The following ELF1 variants were observed in gnomAD, a reference collection of about 807,000 sequenced individuals.
ELF1 encodes the protein ETS-related transcription factor Elf-1.
A neutral mutation model predicts 59.9 loss-of-function variants in ELF1; 24 were observed. The observed-to-expected ratio is 0.40, with a 90% confidence interval of 0.29 to 0.56. The LOEUF is 0.56. ELF1 is among the 20% of genes least tolerant of loss of function. ELF1 has a pLI of 0.44. For missense variants in ELF1, 627 were observed against 742.2 expected (o/e 0.84, Z 1.80); for synonymous variants, 248 against 266.2 (o/e 0.93, Z 0.67).
chr13:41,009,333 G>A (rs1424412537), intron 1 of ELF1, among the ~76,000 whole-genome samples: 2 of 150,120 alleles, frequency 1.3e-5, no homozygotes, highest in African/African-American at 2.5e-5. Flanking sequence ...CACAACGAAC[G>A]ATTCAAATAT....
At chr13:40,962,226 A>C (rs1291412541) in intron 2 of ELF1, among the ~76,000 whole-genome samples, 2 of 152,188 alleles carry the variant, frequency 1.3e-5, no homozygotes. Flanking sequence ...GCATACTCCA[A>C]ATTGCTTTAA....
At chr13:40,946,543 T>C (rs1049547271) in intron 5 of ELF1, among the ~76,000 whole-genome samples, 5 of 152,186 alleles carry the variant, frequency 3.3e-5, no homozygotes, top group African/African-American at 1.2e-4. Context: ...GGCCCACTTA[T>C]ATAGGGATCT....
intron 8 of ELF1, among the ~76,000 whole-genome samples, chr13:40,939,167 A>C (rs528809000): frequency 2.0e-5 from 3 of 152,106 alleles, no homozygotes; most frequent in Non-Finnish European, 4.4e-5. Flanking sequence ...TCTACAAAAA[A>C]TTAAAAAATT....
chr13:41,052,257 A>T (rs989824552), intron 1 of ELF1, among the ~76,000 whole-genome samples: 1 of 152,148 alleles, frequency 6.6e-6, no homozygotes, highest in Admixed American at 6.6e-5. Context: ...CTTTTCAAAG[A>T]ACAAAATGTT....
chr13:40,998,281 C>T (rs1280413666), intron 1 of ELF1, among the ~76,000 whole-genome samples: 1 of 152,140 alleles, frequency 6.6e-6, no homozygotes. Flanking sequence ...AGCAGATATA[C>T]AACAGTAGTC....
intron 1 of ELF1, among the ~76,000 whole-genome samples, chr13:41,036,287 T>C (rs971442052): frequency 1.3e-5 from 2 of 152,218 alleles, no homozygotes; most frequent in African/African-American, 2.4e-5. Context: ...AATAAGATTT[T>C]AGACTCTGGC....
chr13:41,042,879 G>A lies in ELF1; in HGVS notation c.-229+17959C>T, dbSNP rs1876679755. ...TCTAGTTCTAGATCATTGAGGGATC[G>A]CCACATCTTCCACAATGGTTGAACT... On this transcript the variant is annotated intron_variant, in intron 1 of 1. Coordinates refer to the ELF1 transcript ENST00000405737. Among the ~76,000 whole-genome samples, 2 of 152,062 alleles carry A rather than the reference G, an allele frequency of 1.3e-5. 1 individual carries two copies. The highest frequency in any genetic ancestry group is 1.3e-4 in the Admixed American group (2 of 15,246).
At chr13:40,993,612 C>T (rs1276699302) in intron 1 of ELF1, among the ~76,000 whole-genome samples, 1 of 152,070 alleles carries the variant, frequency 6.6e-6, no homozygotes, top group Non-Finnish European at 1.5e-5. Flanking sequence ...TCCTGAGTAG[C>T]TGGGGCTATA....
intron 2 of ELF1, among the ~76,000 whole-genome samples, chr13:40,977,142 C>T (rs983853127): frequency 1.3e-5 from 2 of 151,996 alleles, no homozygotes; most frequent in African/African-American, 2.4e-5. Context: ...GGCTGTTCTT[C>T]ATTAAATTAA....
chr13:40,943,270 AT>A (rs1270815640), intron 6 of ELF1, 126 bp from the exon 7 acceptor site: 3 of 824,934 alleles, frequency 3.6e-6, no homozygotes, highest in Non-Finnish European at 5.1e-6. Context: ...TTCAGTTAGT[AT>A]TGGTGACATA....
chr13:41,052,921 T>C (rs1319865949), intron 1 of ELF1, among the ~76,000 whole-genome samples: 1 of 152,196 alleles, frequency 6.6e-6, no homozygotes, highest in Non-Finnish European at 1.5e-5. Flanking sequence ...GTGAGACATA[T>C]GTGTTAGCAA....
At chr13:40,969,011 C>T (rs1011341827) in intron 2 of ELF1, among the ~76,000 whole-genome samples, 4 of 152,222 alleles carry the variant, frequency 2.6e-5, no homozygotes, top group Non-Finnish European at 4.4e-5. Flanking sequence ...TGAGCCATTG[C>T]GCCCAGGGAC....
intron 5 of ELF1, among the ~76,000 whole-genome samples, chr13:40,948,213 C>A (rs1870621349): frequency 6.6e-6 from 1 of 152,204 alleles, no homozygotes; most frequent in African/African-American, 2.4e-5. Context: ...ACATGTGATC[C>A]AGCCATTCCA....
intron 1 of ELF1, among the ~76,000 whole-genome samples, chr13:41,059,086 A>C (rs1432336468): frequency 6.6e-6 from 1 of 152,270 alleles, no homozygotes. Context: ...GTAATTCTTT[A>C]GTAACTGCTT....
At chr13:41,011,221 G>A (rs1367403536) in intron 1 of ELF1, among the ~76,000 whole-genome samples, 1 of 152,126 alleles carries the variant, frequency 6.6e-6, no homozygotes, top group African/African-American at 2.4e-5. Context: ...TTTTTGTTTT[G>A]AAATGTGTTT....
chr13:40,981,877 T>G (rs928399733), intron 2 of ELF1, 106 bp downstream of exon 2: 3 of 1,288,346 alleles, frequency 2.3e-6, no homozygotes, highest in Admixed American at 5.6e-5. Context: ...AAATTTTTAC[T>G]TTCAATAAAG....
rs1593420749 is a variant in ELF1, at chr13:41,060,946, CTG to C, written c.-339_-338del. On this transcript the variant is annotated 5_prime_UTR_variant, in exon 1 of 2. Transcript: ENST00000405737. The stretch of plus-strand genomic sequence containing the variant: ...GCCGCCGCCGCCGCCGCCGCCGCCG[CTG>C]CTGCTGCCCACACGCTCCCGAGCTA... 15 of 343,956 alleles carry C rather than the reference CTG, an allele frequency of 4.4e-5. No homozygotes were observed. In the Middle Eastern group the frequency reaches 4.9e-3, roughly 111 times the overall value. The allele number at this position is 343,956 out of a possible 1,614,324, so 21.3% of individuals were successfully genotyped here.
rs1869528996 is a variant in ELF1, at chr13:40,933,265, T to C, written c.*160A>G. The C allele has an allele frequency of 2.3e-6, 2 of 871,992 alleles. No homozygotes were observed. The highest frequency in any genetic ancestry group is 1.7e-5 in the African/African-American group (1 of 58,710). 54.0% of individuals were successfully genotyped at this position (871,992 alleles called of 1,614,324 possible). ...ACATTTAGATAACAAAGAGAAACAG[T>C]TGAGTTTTCCTCCCTCATCTAACAA... On this transcript the variant is annotated 3_prime_UTR_variant, in exon 9 of 9. Coordinates refer to ENST00000239882, the MANE Select transcript of ELF1 (RefSeq NM_172373.4).
upstream of ELF1, among the ~76,000 whole-genome samples, chr13:41,019,588 AT>A (rs1489060023): frequency 6.6e-6 from 1 of 152,162 alleles, no homozygotes; most frequent in African/African-American, 2.4e-5. Flanking sequence ...TAAAAACTAT[AT>A]ATTGTTTTAA....
Sources: allele counts gnomAD v4.1 joint callset (sites outside exome capture counted in the v4.1 genomes callset), GRCh38; gene constraint gnomAD v4.1.1; transcripts MANE v1.5; gene names NCBI Gene and HGNC (gene_info 2026-07-23, HGNC 2026-07-21).